Variants in PLPPR1 observed in about 807,000 individuals in gnomAD.
PLPPR1 encodes the protein phospholipid phosphatase-related protein type 1.
PLPPR1 carries 10 observed loss-of-function variants against 33.1 expected under a neutral mutation model. The observed-to-expected ratio is 0.30, with a 90% confidence interval of 0.19 to 0.51. PLPPR1 has a LOEUF of 0.51. PLPPR1 is among the 20% of genes least tolerant of loss of function. The pLI is 0.97. For synonymous variants in PLPPR1, 151 were observed against 151.0 expected, an observed-to-expected ratio of 1.00 and a Z score of 0.00; for missense variants, 304 against 408.1, an observed-to-expected ratio of 0.74 and a Z score of 2.20.
chr9:101,188,306 G>T (rs2118722750), intron 2 of PLPPR1, among the ~76,000 whole-genome samples: 1 of 152,092 alleles, frequency 6.6e-6, no homozygotes, highest in African/African-American at 2.4e-5. Flanking sequence ...TTTGCCAGTT[G>T]TTTTCTGCTG....
chr9:101,228,245 A>G (rs1290210235), intron 2 of PLPPR1, among the ~76,000 whole-genome samples: 1 of 152,124 alleles, frequency 6.6e-6, no homozygotes, highest in Non-Finnish European at 1.5e-5. Flanking sequence ...CCTCACCCAC[A>G]TGCCCACGGC....
intron 1 of PLPPR1, among the ~76,000 whole-genome samples, chr9:101,089,288 T>TATAGATAG (rs60312729): frequency 0.016 from 2,416 of 150,238 alleles, 26 homozygotes; most frequent in East Asian, 0.028. Context: ...AAAGCTAGAA[T>TATAGATAG]ATAGATAGAT....
chr9:101,184,651 A>G (rs1331147670), intron 1 of PLPPR1, among the ~76,000 whole-genome samples: 1 of 152,020 alleles, frequency 6.6e-6, no homozygotes, highest in African/African-American at 2.4e-5. Context: ...ATTAAAGCTT[A>G]AAATCTTTAC....
chr9:101,266,631 C>T lies in PLPPR1; in HGVS notation c.64-3249C>T, dbSNP rs577061336. Among the ~76,000 whole-genome samples, 112 of 152,206 alleles carry T rather than the reference C, an allele frequency of 7.4e-4. 1 individual carries two copies. Among genetic ancestry groups the T allele is most frequent in the Middle Eastern group, 6.8e-3 (2 of 294 alleles). ...AAATTTTTATAAACTTTTAATTTAT[C>T]CAGTTCTCTCTGAATGCTGCTTCCG... is the stretch of plus-strand genomic sequence containing the variant. On this transcript the variant is annotated intron_variant, in intron 2 of 7. Coordinates refer to ENST00000374874, the MANE Select transcript of PLPPR1 (RefSeq NM_207299.2).
intron 1 of PLPPR1, among the ~76,000 whole-genome samples, chr9:101,099,615 C>T (rs544770952): frequency 6.6e-6 from 1 of 152,166 alleles, no homozygotes; most frequent in East Asian, 1.9e-4. Context: ...GATATGACAG[C>T]CACTTACATA....
At chr9:101,144,187 G>A (rs893898481) in intron 1 of PLPPR1, among the ~76,000 whole-genome samples, 4 of 151,966 alleles carry the variant, frequency 2.6e-5, no homozygotes, top group Admixed American at 6.6e-5. Flanking sequence ...AACACCGCAT[G>A]TTCTCACTCA....
chr9:101,281,448 G>A (rs536281209), intron 3 of PLPPR1, among the ~76,000 whole-genome samples: 7 of 151,990 alleles, frequency 4.6e-5, no homozygotes, highest in Non-Finnish European at 8.8e-5. Flanking sequence ...ACCCAGAATA[G>A]CCAAAGCTAT....
chr9:101,120,121 G>A (rs771480397), intron 1 of PLPPR1, among the ~76,000 whole-genome samples: 1 of 152,198 alleles, frequency 6.6e-6, no homozygotes, highest in African/African-American at 2.4e-5. Flanking sequence ...CTAAAGTGAT[G>A]TTCCAGCCAA....
intron 2 of PLPPR1, among the ~76,000 whole-genome samples, chr9:101,233,754 A>G (rs1033514584): frequency 6.6e-6 from 1 of 151,934 alleles, no homozygotes; most frequent in Admixed American, 6.6e-5. Context: ...AGTCTCAGGT[A>G]TTGTGATACA....
Position 101,257,034 on chromosome 9 carries a change from G to A in PLPPR1, c.64-12846G>A, listed in dbSNP as rs78559099. ...ATTCTTTATATTGATAATTTAGTGCGCCATGGGTAGAAAGTGGGGGAAGCT... is the reference window on the plus strand; with the variant it reads ...ATTCTTTATATTGATAATTTAGTGCACCATGGGTAGAAAGTGGGGGAAGCT... On this transcript the variant is annotated intron_variant, in intron 2 of 7. Transcript: ENST00000374874. Among the ~76,000 whole-genome samples, 1,061 of 152,004 alleles carry A rather than the reference G, an allele frequency of 7.0e-3. 15 individuals are homozygous for A. The highest frequency in any genetic ancestry group is 0.024 in the African/African-American group (1,014 of 41,468).
chr9:101,064,674 C>T lies in PLPPR1; in HGVS notation c.-46+35572C>T, dbSNP rs114715434. 7.8e-3 allele frequency among the ~76,000 whole-genome samples: 1,190 copies of T among 152,172 alleles called. 14 individuals carry two copies. The highest frequency in any genetic ancestry group is 0.025 in the African/African-American group (1,059 of 41,552). On this transcript the variant is annotated intron_variant, in intron 1 of 7. Coordinates refer to ENST00000374874, the MANE Select transcript of PLPPR1 (RefSeq NM_207299.2). ...TAGGAGGTGCATCTTCGTCTGTTTT[C>T]TGTTACTATAACTGAATATCTGAGA...
At chr9:101,072,408 A>G (rs1405415618) in intron 1 of PLPPR1, among the ~76,000 whole-genome samples, 1 of 152,138 alleles carries the variant, frequency 6.6e-6, no homozygotes, top group Non-Finnish European at 1.5e-5. Context: ...ACACTTCTGC[A>G]TGCATTCCAT....
intron 4 of PLPPR1, among the ~76,000 whole-genome samples, chr9:101,298,313 G>A (rs548676586): frequency 2.0e-5 from 3 of 152,152 alleles, no homozygotes; most frequent in Admixed American, 6.5e-5. Context: ...ATTTAGGTCC[G>A]GTCCGAGGAT....
chr9:101,185,261 T>A (rs1826185555), intron 1 of PLPPR1, 189 bp from the exon 2 acceptor site: 1 of 432,772 alleles, frequency 2.3e-6, no homozygotes. Flanking sequence ...TCATGGCAAG[T>A]ATATATTATT....
intron 1 of PLPPR1, among the ~76,000 whole-genome samples, chr9:101,086,666 A>G (rs1231854454): frequency 6.6e-6 from 1 of 152,220 alleles, no homozygotes; most frequent in Non-Finnish European, 1.5e-5. Flanking sequence ...TTTCAGTCAC[A>G]GAGTAGAACA....
intron 4 of PLPPR1, among the ~76,000 whole-genome samples, chr9:101,305,970 C>T (rs1278189141): frequency 6.6e-6 from 1 of 152,132 alleles, no homozygotes; most frequent in African/African-American, 2.4e-5. Context: ...CCTTCATCAT[C>T]CTCTTTCTTT....
At position 101,131,163 on chromosome 9, in the gene PLPPR1, T is replaced by TA. The variant is rs910386828; in HGVS notation, c.-45-54282dup. On this transcript the variant is annotated intron_variant, in intron 1 of 7. Transcript: ENST00000374874. ...ATTTAACCTGACCTTGACGGCATTT[T>TA]AAAAACATTGCCTATTGTAATGCCC... Among the ~76,000 whole-genome samples, 196 of 152,354 alleles carry TA rather than the reference T, an allele frequency of 1.3e-3. 1 individual carries two copies. Among genetic ancestry groups the TA allele is most frequent in the African/African-American group, 4.1e-3 (169 of 41,586 alleles).
At chr9:101,144,387 A>G (rs1228480894) in intron 1 of PLPPR1, among the ~76,000 whole-genome samples, 2 of 152,184 alleles carry the variant, frequency 1.3e-5, no homozygotes, top group African/African-American at 4.8e-5. Flanking sequence ...TGTAGTGCAC[A>G]TGTGCCCTAG....
chr9:101,185,109 G>A (rs1014722038), intron 1 of PLPPR1: 17 of 167,844 alleles, frequency 1.0e-4, no homozygotes, highest in Non-Finnish European at 2.2e-4. Context: ...AGAAAAAAAA[G>A]TTTTATACCA....
Sources: gnomAD v4.1 joint callset for allele counts (sites outside exome capture counted in the v4.1 genomes callset) on GRCh38, gnomAD v4.1.1 for gene constraint, MANE v1.5 for transcripts, NCBI Gene and HGNC (gene_info 2026-07-23, HGNC 2026-07-21) for gene names.